The following ANKRD11 variants were observed in gnomAD, a reference collection of about 807,000 sequenced individuals.
The protein encoded by ANKRD11 is ankyrin repeat domain-containing protein 11.
A neutral mutation model predicts 195.7 loss-of-function variants in ANKRD11; 17 were observed. That is an observed-to-expected ratio of 0.09 (90% CI 0.06 to 0.13). ANKRD11 has a LOEUF of 0.13. ANKRD11 is among the 10% of genes least tolerant of loss of function. The pLI, the probability that ANKRD11 is intolerant of heterozygous loss-of-function variation, is 1.00. For missense variants in ANKRD11, 3,735 were observed against 3,566.1 expected, an observed-to-expected ratio of 1.05 and a Z score of -1.21; for synonymous variants, 1,953 against 1,528.1, an observed-to-expected ratio of 1.28 and a Z score of -6.49.
intron 3 of ANKRD11, among the ~76,000 whole-genome samples, chr16:89,315,515 C>T (rs886467059): frequency 6.6e-6 from 1 of 151,972 alleles, no homozygotes; most frequent in African/African-American, 2.4e-5. Context: ...AACCCTGACT[C>T]TCCGTAGGCT....
At chr16:89,294,493 C>T (rs1339254231) in intron 4 of ANKRD11, among the ~76,000 whole-genome samples, 6 of 152,174 alleles carry the variant, frequency 3.9e-5, no homozygotes, top group Non-Finnish European at 5.9e-5. Flanking sequence ...CCACAACACG[C>T]GCCAGACACC....
At chr16:89,356,601 C>T (rs141455908) in intron 2 of ANKRD11, among the ~76,000 whole-genome samples, 3 of 147,768 alleles carry the variant, frequency 2.0e-5, no homozygotes, top group African/African-American at 7.6e-5. Context: ...AAAACCCCAT[C>T]TCTACTAAAA....
intron 1 of ANKRD11, among the ~76,000 whole-genome samples, chr16:89,445,986 A>C (rs969039136): frequency 1.3e-5 from 2 of 148,584 alleles, no homozygotes; most frequent in Non-Finnish European, 3.0e-5. Flanking sequence ...AAAAACAAAA[A>C]AAAAAATTTT....
intron 4 of ANKRD11, among the ~76,000 whole-genome samples, chr16:89,304,361 G>C (rs537589017): frequency 6.8e-6 from 1 of 147,562 alleles, no homozygotes; most frequent in Admixed American, 6.7e-5. Flanking sequence ...CGCATACACA[G>C]GCATGCACAT....
At chr16:89,461,242 T>C (rs1409223112) in intron 1 of ANKRD11, among the ~76,000 whole-genome samples, 1 of 131,384 alleles carries the variant, frequency 7.6e-6, no homozygotes, top group African/African-American at 2.9e-5. Context: ...AGAAAGCAGA[T>C]TGGTGGTCAG....
At chr16:89,470,273 C>T (rs949510495) in intron 1 of ANKRD11, among the ~76,000 whole-genome samples, 8 of 152,118 alleles carry the variant, frequency 5.3e-5, no homozygotes, top group Non-Finnish European at 1.0e-4. Flanking sequence ...GTAACTTACT[C>T]ATGGTCATAG....
intron 9 of ANKRD11, chr16:89,277,333 C>T (rs1273509166): frequency 1.3e-5 from 2 of 152,336 alleles, no homozygotes; most frequent in Non-Finnish European, 2.9e-5. Flanking sequence ...CCTTGGGCCT[C>T]AGGCAGCACC....
At chr16:89,372,055 A>T (rs2040216210) in intron 2 of ANKRD11, among the ~76,000 whole-genome samples, 1 of 152,202 alleles carries the variant, frequency 6.6e-6, no homozygotes, top group Non-Finnish European at 1.5e-5. Flanking sequence ...CACTGAAACC[A>T]GTGGGTCCCC....
chr16:89,338,535 C>G (rs1168476655), intron 2 of ANKRD11, among the ~76,000 whole-genome samples: 1 of 151,532 alleles, frequency 6.6e-6, no homozygotes, highest in African/African-American at 2.4e-5. Context: ...TCAAGACCAG[C>G]CTGGCCAACA....
chr16:89,453,702 G>C (rs2056295522), intron 1 of ANKRD11, among the ~76,000 whole-genome samples: 1 of 152,214 alleles, frequency 6.6e-6, no homozygotes, highest in African/African-American at 2.4e-5. Context: ...AGGACAATGT[G>C]ATGTGCTGAA....
chr16:89,462,745 C>T (rs1333264580), intron 1 of ANKRD11, among the ~76,000 whole-genome samples: 14 of 151,040 alleles, frequency 9.3e-5, no homozygotes, highest in African/African-American at 3.2e-4. Flanking sequence ...GTGAGGAGCA[C>T]CTCTGCCCGG....
intron 2 of ANKRD11, among the ~76,000 whole-genome samples, chr16:89,354,955 A>G (rs1375812884): frequency 6.6e-6 from 1 of 152,182 alleles, no homozygotes; most frequent in African/African-American, 2.4e-5. Flanking sequence ...AATGCCCCCA[A>G]AGGAGTGAGG....
chr16:89,312,029 C>G (rs1450543438), intron 3 of ANKRD11, among the ~76,000 whole-genome samples: 1 of 152,168 alleles, frequency 6.6e-6, no homozygotes, highest in Admixed American at 6.5e-5. Flanking sequence ...TCCTGAGTAG[C>G]TGGGATTACA....
intron 4 of ANKRD11, chr16:89,301,558 G>A: frequency 2.5e-6 from 1 of 398,900 alleles, no homozygotes; most frequent in South Asian, 1.3e-4. Flanking sequence ...GCCGGGACAT[G>A]GCAGGTGCCT....
chr16:89,390,366 A>T (rs954265886), intron 2 of ANKRD11, among the ~76,000 whole-genome samples: 1 of 150,780 alleles, frequency 6.6e-6, no homozygotes, highest in Non-Finnish European at 1.5e-5. Context: ...TGTGGCGGGG[A>T]GCACTGAGAG....
chr16:89,433,744 C>T (rs1218085743), intron 1 of ANKRD11, among the ~76,000 whole-genome samples: 4 of 151,140 alleles, frequency 2.6e-5, no homozygotes, highest in Non-Finnish European at 5.9e-5. Context: ...CGGGCTTGGA[C>T]GCAGCAGGGC....
intron 2 of ANKRD11, among the ~76,000 whole-genome samples, chr16:89,362,149 T>C (rs772845723): frequency 6.6e-6 from 1 of 152,240 alleles, no homozygotes; most frequent in Non-Finnish European, 1.5e-5. Flanking sequence ...TTAACAAATG[T>C]GAGTGGATTA....
At chr16:89,309,399 C>T (rs1471428707) in intron 3 of ANKRD11, among the ~76,000 whole-genome samples, 8 of 152,172 alleles carry the variant, frequency 5.3e-5, no homozygotes, top group Admixed American at 4.6e-4. Context: ...TACTGAAGGC[C>T]CCTAGCACTC....
chr16:89,472,244 G>C (rs2057110024), intron 1 of ANKRD11, among the ~76,000 whole-genome samples: 1 of 152,146 alleles, frequency 6.6e-6, no homozygotes, highest in Non-Finnish European at 1.5e-5. Flanking sequence ...AGGCAAATGG[G>C]GATGCTGACT....
Sources: gnomAD v4.1 joint callset for allele counts (sites outside exome capture counted in the v4.1 genomes callset) on GRCh38, gnomAD v4.1.1 for gene constraint, MANE v1.5 for transcripts, NCBI Gene and HGNC (gene_info 2026-07-23, HGNC 2026-07-21) for gene names.